The following ALMS1 variants were observed in gnomAD, a reference collection of about 807,000 sequenced individuals.
The protein encoded by ALMS1 is ALMS1 centrosome and basal body associated protein.
In ALMS1, 271 loss-of-function variants were observed where a neutral mutation model predicts 352.2. The observed-to-expected ratio is 0.77, with a 90% CI of 0.70 to 0.85. ALMS1 has a LOEUF of 0.85. ALMS1 is among the 40% of genes least tolerant of loss of function. ALMS1 has a pLI of 0.00. For synonymous variants in ALMS1, 1,865 were observed against 1,761.2 expected (o/e 1.06, Z -1.48); for missense variants, 5,445 against 4,870.7 (o/e 1.12, Z -3.51).
chr2:73,454,523 C>A (rs1436910932), intron 8 of ALMS1: 5 of 252,150 alleles, frequency 2.0e-5, no homozygotes, highest in African/African-American at 1.2e-4. Flanking sequence ...TTTTCTCTTT[C>A]CCTTTTCTAA....
chr2:73,538,752 C>T (rs190007293), intron 12 of ALMS1, among the ~76,000 whole-genome samples: 1 of 152,312 alleles, frequency 6.6e-6, no homozygotes, highest in East Asian at 1.9e-4. Context: ...GCACCTGGCT[C>T]GGAGGATCCT....
Position 73,451,472 on chromosome 2 carries a change from G to A in ALMS1, c.4945G>A (p.Gly1649Arg). 2 of 1,613,998 alleles carry A rather than the reference G, an allele frequency of 1.2e-6. No homozygotes were observed. Among genetic ancestry groups the A allele is most frequent in the African/African-American group, 1.3e-5 (1 of 74,992 alleles). Reference protein sequence around the residue: ...KEVVKVSAAPGPADQKTETLP... With the variant: ...KEVVKVSAAPRPADQKTETLP... ...GGTTGTGAAAGTTTCAGCTGCTCCT[G>A]GACCAGCTGACCAGAAGACTGAGAC... The change falls in exon 8 of 23, where the codon GGA becomes AGA. Residue 1649 changes from glycine to arginine, a missense_variant. Coordinates refer to ENST00000613296, the MANE Select transcript of ALMS1 (RefSeq NM_001378454.1).
chr2:73,455,140 C>T, intron 8 of ALMS1, 22 bp from the exon 9 acceptor site: 1 of 1,612,276 alleles, frequency 6.2e-7, no homozygotes. Flanking sequence ...TGTATTATCT[C>T]AAGTGTATGC....
At chr2:73,500,149 G>A (rs1018610874) in intron 10 of ALMS1, among the ~76,000 whole-genome samples, 6 of 152,180 alleles carry the variant, frequency 3.9e-5, no homozygotes, top group African/African-American at 1.4e-4. Context: ...ATTTCATAAT[G>A]ACGTGTTATG....
rs181495941 is a variant in ALMS1 at position 73,489,488 on chromosome 2, C to T, written c.7675-146C>T. Reference sequence around the variant, plus strand: ...TTAACTGTCTTTTTTGCTTGCTGTGCTCTTTGTCCTGTTATATTATAAAAG... The same window carrying T: ...TTAACTGTCTTTTTTGCTTGCTGTGTTCTTTGTCCTGTTATATTATAAAAG... On this transcript the variant is annotated intron_variant, in intron 9 of 22. Coordinates refer to ENST00000613296, the MANE Select transcript of ALMS1 (RefSeq NM_001378454.1). The T allele has an allele frequency of 7.0e-5, 62 of 890,672 alleles. No homozygotes were observed. In the Admixed American group the frequency reaches 7.9e-4, roughly 11 times the overall value. 55.2% of individuals were successfully genotyped at this position (890,672 alleles called of 1,614,324 possible). A position where few individuals can be genotyped will look rare whatever the true frequency, so the allele number is the denominator to read the frequency against.
At position 73,432,311 on chromosome 2, in the gene ALMS1, A is replaced by G. The variant is rs1671516027; in HGVS notation, c.1432+20A>G. The G allele has an allele frequency of 6.4e-7, 1 of 1,551,050 alleles. No individual in the cohort carries two copies. Among genetic ancestry groups the G allele is most frequent in the Non-Finnish European group, 8.9e-7 (1 of 1,122,990 alleles). On this transcript the variant is annotated intron_variant, in intron 7 of 22. Coordinates refer to ENST00000613296, the MANE Select transcript of ALMS1 (RefSeq NM_001378454.1). ...AAGCAGGTACGTAGAAAAAGGAGAT[A>G]GTAAATGTCCTACTTACGGATACCT...
intron 9 of ALMS1, among the ~76,000 whole-genome samples, chr2:73,467,343 A>G (rs1672377794): frequency 6.6e-6 from 1 of 152,126 alleles, no homozygotes; most frequent in African/African-American, 2.4e-5. Flanking sequence ...ATCCAAGTGG[A>G]CAGTAAGCAT....
chr2:73,524,054 C>A (rs1417325704), intron 11 of ALMS1, among the ~76,000 whole-genome samples: 3 of 151,992 alleles, frequency 2.0e-5, no homozygotes, highest in Non-Finnish European at 4.4e-5. Flanking sequence ...ATAACCTAAA[C>A]AAAAATTTTA....
chr2:73,401,872 G>A (rs1475325591), intron 1 of ALMS1, among the ~76,000 whole-genome samples: 2 of 151,942 alleles, frequency 1.3e-5, no homozygotes, highest in African/African-American at 4.8e-5. Flanking sequence ...CTACTTCTTT[G>A]TACTTGACTT....
At chr2:73,597,108 GT>G (rs1165743730) in intron 16 of ALMS1, among the ~76,000 whole-genome samples, 2 of 151,822 alleles carry the variant, frequency 1.3e-5, no homozygotes, top group Non-Finnish European at 2.9e-5. Flanking sequence ...TCCCAGCAAT[GT>G]TTTCTAGTTT....
rs1372169730 is a variant in ALMS1 at position 73,451,526 on chromosome 2, A to G, written c.4999A>G (p.Asn1667Asp). Reference protein sequence around the residue: ...TLPVHSTSYSNRGKPVIFYQQ... With the variant: ...TLPVHSTSYSDRGKPVIFYQQ... ...ACCAGTACATTCTACTAGCTACTCAAATAGGGGGAAGCCTGTCATTTTCTA... is the reference window on the plus strand; with the variant it reads ...ACCAGTACATTCTACTAGCTACTCAGATAGGGGGAAGCCTGTCATTTTCTA... Residue 1667 changes from asparagine (N) to aspartate (D), a missense_variant, in exon 8 of 23, where the codon AAT (asparagine) becomes GAT (aspartate). By Grantham distance (23) the Asn-to-Asp change is conservative (BLOSUM62 1). Coordinates refer to ENST00000613296, the MANE Select transcript of ALMS1 (RefSeq NM_001378454.1). The G allele has an allele frequency of 6.2e-7, 1 of 1,612,062 alleles. No individual in the cohort carries two copies. The highest frequency in any genetic ancestry group is 2.2e-5 in the East Asian group (1 of 44,682).
chr2:73,499,445 T>C (rs1442805165), intron 10 of ALMS1, among the ~76,000 whole-genome samples: 6 of 152,314 alleles, frequency 3.9e-5, no homozygotes, highest in Non-Finnish European at 7.3e-5. Context: ...ATCCTAAAGA[T>C]TTTCCCTCAT....
At chr2:73,529,136 T>C (rs907939079) in intron 11 of ALMS1, among the ~76,000 whole-genome samples, 8 of 146,796 alleles carry the variant, frequency 5.4e-5, no homozygotes, top group Non-Finnish European at 1.0e-4. Flanking sequence ...CTCTGCCGCC[T>C]GGGTTCAAGC....
rs1457913004 is a variant in ALMS1, at chr2:73,490,332, TA to T, written c.8374del (p.Arg2792GlufsTer21). 1 of 1,612,204 alleles carries T rather than the reference TA, an allele frequency of 6.2e-7. No individual in the cohort carries two copies. The highest frequency in any genetic ancestry group is 8.5e-7 in the Non-Finnish European group (1 of 1,179,248). The part of the protein sequence containing the change: ...DKEVTILAEG[R>X]RQSQKLPVDF... ...AAGAAGTGACTATTTTAGCAGAAGG[TA>T]GAAGGCAAAGCCAAAAATTACCTGT... On this transcript the variant is annotated frameshift_variant, in exon 10 of 23. Transcript: ENST00000613296. LOFTEE classifies it high-confidence loss of function.
At chr2:73,446,940 T>G (rs962335087) in intron 7 of ALMS1, among the ~76,000 whole-genome samples, 1 of 152,146 alleles carries the variant, frequency 6.6e-6, no homozygotes, top group Non-Finnish European at 1.5e-5. Context: ...AAATAGATAA[T>G]ACTTGCTCTA....
At position 73,572,293 on chromosome 2, in the gene ALMS1, T is replaced by C. The variant is rs1558699167; in HGVS notation, c.10416T>C (p.Thr3472=). Residue 3472 remains threonine (T), a synonymous_variant, in exon 16 of 23, where the codon ACT becomes ACC. Transcript: ENST00000613296. ...ESECHSEFEN[T]TRSVFRSAKF... ...AATGTCATTCAGAATTTGAAAATAC[T>C]ACCCGTTCTGTCTTCAGGTCAGCAA... 5.0e-6 allele frequency: 8 copies of C among 1,608,578 alleles called. No homozygotes were observed. Among genetic ancestry groups the C allele is most frequent in the South Asian group, 1.1e-5 (1 of 89,550 alleles).
intron 2 of ALMS1, among the ~76,000 whole-genome samples, chr2:73,409,837 C>T (rs920516056): frequency 2.6e-5 from 4 of 152,114 alleles, no homozygotes; most frequent in Non-Finnish European, 4.4e-5. Context: ...CAAGCTGGAG[C>T]CCCAGGAGGG....
intron 12 of ALMS1, among the ~76,000 whole-genome samples, chr2:73,544,445 A>G (rs926987122): frequency 1.3e-5 from 2 of 152,178 alleles, no homozygotes; most frequent in African/African-American, 4.8e-5. Context: ...CAGCACACCA[A>G]CATGGCACAT....
In ALMS1 at chr2:73,523,092, T is replaced by G. The variant is rs77707033; in HGVS notation, c.9781+3076T>G. Among the ~76,000 whole-genome samples the G allele has an allele frequency of 2.8e-3, 421 of 152,276 alleles. 2 individuals are homozygous for G. Among genetic ancestry groups the G allele is most frequent in the African/African-American group, 9.5e-3 (396 of 41,560 alleles). On this transcript the variant is annotated intron_variant, in intron 11 of 22. Coordinates refer to ENST00000613296, the MANE Select transcript of ALMS1 (RefSeq NM_001378454.1). ...GCAAAAACTTCTTAAAAAGCTTGTT[T>G]GTTCCCAAATGCATGCATTCTATCT...
Sources: gnomAD v4.1 joint callset for allele counts (sites outside exome capture counted in the v4.1 genomes callset) on GRCh38, gnomAD v4.1.1 for gene constraint, MANE v1.5 for transcripts, NCBI Gene and HGNC (gene_info 2026-07-23, HGNC 2026-07-21) for gene names.